CFAP299: variants seen among roughly 807,000 people sequenced by gnomAD.
CFAP299 encodes the protein cilia and flagella associated protein 299.
CFAP299 carries 21 observed loss-of-function variants against 27.0 expected under a neutral mutation model. The observed-to-expected ratio is 0.78, with a 90% CI of 0.55 to 1.12. The LOEUF is 1.12. Ranked by LOEUF, CFAP299 falls within the 50% of genes most tolerant of loss-of-function variation. The probability of loss-of-function intolerance (pLI) is 0.00; values close to 1 mark genes in which losing one functional copy is unlikely to be tolerated. For missense variants in CFAP299, 310 were observed against 276.6 expected, an observed-to-expected ratio of 1.12 and a Z score of -0.86; for synonymous variants, 104 against 98.1, an observed-to-expected ratio of 1.06 and a Z score of -0.36.
At chr4:80,544,310 C>T (rs532294857) in intron 2 of CFAP299, among the ~76,000 whole-genome samples, 102 of 152,284 alleles carry the variant, frequency 6.7e-4, no homozygotes, top group African/African-American at 2.4e-3. Context: ...GTCTACATAA[C>T]AACTGGCTAA....
intron 4 of CFAP299, 119 bp downstream of exon 4, chr4:80,870,254 T>C (rs1733004960): frequency 1.5e-6 from 2 of 1,314,034 alleles, no homozygotes; most frequent in African/African-American, 3.0e-5. Context: ...TAACTGGTTA[T>C]TAATATGAAA....
chr4:80,799,620 TTATAAA>T (rs1728177380), intron 3 of CFAP299, among the ~76,000 whole-genome samples: 1 of 37,118 alleles, frequency 2.7e-5, no homozygotes. Flanking sequence ...TATTATATAT[TTATAAA>T]TATATAATAT....
At chr4:80,523,670 T>C (rs888543269) in intron 2 of CFAP299, among the ~76,000 whole-genome samples, 3 of 152,164 alleles carry the variant, frequency 2.0e-5, no homozygotes, top group Admixed American at 2.0e-4. Flanking sequence ...ACACCCATCT[T>C]ATCCTGCCTT....
chr4:80,346,764 T>G (rs2109977651), intron 1 of CFAP299, among the ~76,000 whole-genome samples: 1 of 152,326 alleles, frequency 6.6e-6, no homozygotes, highest in East Asian at 1.9e-4. Flanking sequence ...GGGCTCTTTT[T>G]TGGTTCCATA....
Position 80,929,950 on chromosome 4 carries a change from CTCT to C in CFAP299, c.477-14854_477-14852del, listed in dbSNP as rs60949089. On this transcript the variant is annotated intron_variant, in intron 4 of 5. Transcript: ENST00000358105. The stretch of plus-strand genomic sequence containing the variant: ...GCATATAACTCCTAAAATTCTTGGA[CTCT>C]TCTTCAAAGTGATGTCTTTCTGTAT... 3.6e-3 allele frequency among the ~76,000 whole-genome samples: 548 copies of C among 152,274 alleles called. 2 individuals are homozygous for C. The highest frequency in any genetic ancestry group is 0.012 in the African/African-American group (514 of 41,556).
chr4:80,633,982 CTT>C (rs1225649545), intron 3 of CFAP299, among the ~76,000 whole-genome samples: 33 of 115,144 alleles, frequency 2.9e-4, no homozygotes, highest in African/African-American at 4.0e-4. Context: ...GAGGAGAAAA[CTT>C]TTTTTTTTTT....
intron 2 of CFAP299, among the ~76,000 whole-genome samples, chr4:80,414,752 T>C (rs1336900230): frequency 6.6e-6 from 1 of 152,244 alleles, no homozygotes; most frequent in African/African-American, 2.4e-5. Context: ...TTTATACTTC[T>C]ATTACTAACC....
chr4:80,726,539 A>G (rs964564751), intron 3 of CFAP299, among the ~76,000 whole-genome samples: 1 of 152,022 alleles, frequency 6.6e-6, no homozygotes, highest in African/African-American at 2.4e-5. Context: ...AATAATGGTT[A>G]ATAATGGAAA....
intron 2 of CFAP299, among the ~76,000 whole-genome samples, chr4:80,582,696 T>G (rs1202227725): frequency 6.6e-6 from 1 of 151,868 alleles, no homozygotes; most frequent in Non-Finnish European, 1.5e-5. Flanking sequence ...CTCCAGTAAC[T>G]GCATAGCATA....
rs1741210389 is a variant in CFAP299 at position 80,667,673 on chromosome 4, T to G, written c.333+84490T>G. Among the ~76,000 whole-genome samples the G allele has an allele frequency of 2.6e-5, 4 of 152,186 alleles. 1 individual carries two copies. In the South Asian group the frequency reaches 8.3e-4, roughly 31 times the overall value. On this transcript the variant is annotated intron_variant, in intron 3 of 5. Transcript: ENST00000358105. ...TGACAGGATTCATTCTTTTTTAGGC[T>G]GAATAATATTCTATTTGTATATATA...
intron 4 of CFAP299, among the ~76,000 whole-genome samples, chr4:80,904,160 G>C (rs750351002): frequency 4.6e-5 from 7 of 152,134 alleles, no homozygotes; most frequent in Non-Finnish European, 8.8e-5. Flanking sequence ...ATAGCCCTCT[G>C]CCAGGTGTGA....
chr4:80,741,975 C>T (rs906450196), intron 3 of CFAP299, among the ~76,000 whole-genome samples: 1 of 152,146 alleles, frequency 6.6e-6, no homozygotes, highest in African/African-American at 2.4e-5. Context: ...GATAGGGCAG[C>T]ACTGAGTTCA....
intron 3 of CFAP299, among the ~76,000 whole-genome samples, chr4:80,856,514 T>C (rs1731899892): frequency 6.6e-6 from 1 of 152,058 alleles, no homozygotes; most frequent in Admixed American, 6.5e-5. Context: ...CTAGGTTTTC[T>C]TCTAGGGTTT....
intron 1 of CFAP299, among the ~76,000 whole-genome samples, chr4:80,343,746 G>A (rs193149776): frequency 1.4e-3 from 195 of 136,136 alleles, no homozygotes; most frequent in African/African-American, 4.8e-3. Context: ...CCGAGATTGC[G>A]CCACTGCAGT....
intron 2 of CFAP299, among the ~76,000 whole-genome samples, chr4:80,399,894 T>C (rs533066865): frequency 6.6e-6 from 1 of 152,214 alleles, no homozygotes; most frequent in Non-Finnish European, 1.5e-5. Context: ...TATTTCTTGA[T>C]TTGGCATGAC....
intron 3 of CFAP299, among the ~76,000 whole-genome samples, chr4:80,708,990 A>C (rs329402): frequency 0.93 from 141,894 of 152,204 alleles, 66,217 homozygotes; most frequent in East Asian, 1. Context: ...CAGCAAAAGT[A>C]ACACAAAATA....
At chr4:80,917,413 A>AT (rs1280355555) in intron 4 of CFAP299, among the ~76,000 whole-genome samples, 1 of 152,158 alleles carries the variant, frequency 6.6e-6, no homozygotes, top group Admixed American at 6.5e-5. Flanking sequence ...AATTACATTT[A>AT]TTTTAGATTT....
chr4:80,369,017 A>C (rs1723994338), intron 2 of CFAP299, among the ~76,000 whole-genome samples: 1 of 152,212 alleles, frequency 6.6e-6, no homozygotes. Context: ...CCTAACCTCA[A>C]ACTTTGAGAG....
chr4:80,447,573 C>T (rs1178751350), intron 2 of CFAP299, among the ~76,000 whole-genome samples: 2 of 152,088 alleles, frequency 1.3e-5, no homozygotes, highest in Non-Finnish European at 2.9e-5. Context: ...TCCCCTGCCT[C>T]AGTCCCATGT....
Sources: gnomAD v4.1 joint callset for allele counts (sites outside exome capture counted in the v4.1 genomes callset) on GRCh38, gnomAD v4.1.1 for gene constraint, MANE v1.5 for transcripts, NCBI Gene and HGNC (gene_info 2026-07-23, HGNC 2026-07-21) for gene names.